FOXP1: variants seen among roughly 807,000 people sequenced by gnomAD.
FOXP1 encodes the protein forkhead box protein P1.
In FOXP1, 15 loss-of-function variants were observed where a neutral mutation model predicts 98.2. The ratio of observed to expected loss-of-function variants is 0.15; its 90% CI spans 0.10 to 0.24. The LOEUF (loss-of-function observed/expected upper bound fraction) is 0.24, where lower values mean the gene tolerates loss of function less well. Among genes scored for constraint, FOXP1 ranks in the 10% least tolerant of loss-of-function variants. The probability of loss-of-function intolerance (pLI) is 1.00; values close to 1 mark genes in which losing one functional copy is unlikely to be tolerated. For synonymous variants in FOXP1, 371 were observed against 314.5 expected (o/e 1.18, Z -1.90); for missense variants, 633 against 848.5 (o/e 0.75, Z 3.15).
intron 5 of FOXP1, among the ~76,000 whole-genome samples, chr3:71,258,361 A>C (rs1264877830): frequency 1.3e-5 from 2 of 152,328 alleles, no homozygotes; most frequent in East Asian, 1.9e-4. Flanking sequence ...TCCAACACTG[A>C]AGGAAGCAGT....
intron 2 of FOXP1, among the ~76,000 whole-genome samples, chr3:71,547,903 G>A (rs1297401221): frequency 6.6e-6 from 1 of 152,190 alleles, no homozygotes; most frequent in Non-Finnish European, 1.5e-5. Context: ...GGAAGAAAAG[G>A]TCTAAGGTTT....
intron 11 of FOXP1, among the ~76,000 whole-genome samples, chr3:71,030,565 G>A (rs1399561744): frequency 6.6e-6 from 1 of 152,216 alleles, no homozygotes; most frequent in Non-Finnish European, 1.5e-5. Context: ...AGGCTGTGGA[G>A]CTCACAGCTA....
intron 6 of FOXP1, among the ~76,000 whole-genome samples, chr3:71,182,044 A>AT (rs1227551221): frequency 8.6e-6 from 1 of 116,694 alleles, no homozygotes; most frequent in African/African-American, 3.6e-5. Context: ...CAAAAAAAAG[A>AT]AAAAAAAGAA....
intron 4 of FOXP1, among the ~76,000 whole-genome samples, chr3:71,308,822 G>A (rs1185752353): frequency 1.3e-5 from 2 of 148,646 alleles, no homozygotes; most frequent in Non-Finnish European, 3.0e-5. Context: ...AGGGGGGACA[G>A]CTCCAAAGCA....
At chr3:71,131,591 T>G (rs142589600) in intron 6 of FOXP1, among the ~76,000 whole-genome samples, 5 of 152,314 alleles carry the variant, frequency 3.3e-5, no homozygotes, top group African/African-American at 1.2e-4. Context: ...GATGTTTACA[T>G]AGGCCCCAAT....
At chr3:71,297,842 G>A (rs529155425) in intron 5 of FOXP1, among the ~76,000 whole-genome samples, 35 of 151,430 alleles carry the variant, frequency 2.3e-4, no homozygotes, top group African/African-American at 8.0e-4. Flanking sequence ...CCTGACCTCA[G>A]GTGATCCACT....
intron 6 of FOXP1, among the ~76,000 whole-genome samples, chr3:71,121,378 A>G (rs1238269125): frequency 6.8e-6 from 1 of 147,058 alleles, no homozygotes; most frequent in East Asian, 2.3e-4. Flanking sequence ...AGAAAAAAAA[A>G]AGGGGGGGGG....
intron 14 of FOXP1, among the ~76,000 whole-genome samples, chr3:70,984,325 G>A (rs1436720700): frequency 1.3e-5 from 2 of 152,180 alleles, no homozygotes; most frequent in South Asian, 2.1e-4. Context: ...TTAACCTAAG[G>A]AAAGGTTCAC....
At chr3:71,080,829 G>A (rs1030191007) in intron 7 of FOXP1, among the ~76,000 whole-genome samples, 1 of 152,132 alleles carries the variant, frequency 6.6e-6, no homozygotes, top group Non-Finnish European at 1.5e-5. Flanking sequence ...ATTTCCCTGG[G>A]TATCAAAGAA....
chr3:71,526,161 CAAACA>C (rs1420529162), intron 2 of FOXP1, among the ~76,000 whole-genome samples: 2 of 150,316 alleles, frequency 1.3e-5, no homozygotes, highest in African/African-American at 2.5e-5. Context: ...AACAAACAAA[CAAACA>C]AGAGTACCGG....
intron 5 of FOXP1, among the ~76,000 whole-genome samples, chr3:71,219,606 A>G (rs1273899871): frequency 6.6e-6 from 1 of 152,204 alleles, no homozygotes; most frequent in Non-Finnish European, 1.5e-5. Context: ...TTTTTCAAAA[A>G]CTTAGTATGA....
chr3:71,077,292 G>A (rs1414077662), intron 7 of FOXP1, among the ~76,000 whole-genome samples: 1 of 152,144 alleles, frequency 6.6e-6, no homozygotes, highest in Non-Finnish European at 1.5e-5. Context: ...GAACCCTGAG[G>A]TCTCTTTTTA....
intron 5 of FOXP1, among the ~76,000 whole-genome samples, chr3:71,286,901 C>A (rs2107466195): frequency 6.6e-6 from 1 of 152,292 alleles, no homozygotes; most frequent in Middle Eastern, 3.4e-3. Flanking sequence ...ATCACAACAT[C>A]TTTTATGAAA....
chr3:71,564,140 C>A (rs945990629), intron 2 of FOXP1, among the ~76,000 whole-genome samples: 4 of 152,190 alleles, frequency 2.6e-5, no homozygotes, highest in Non-Finnish European at 5.9e-5. Context: ...CAGACAAAAA[C>A]CAAAGCAAGT....
rs1553853270 is a variant in FOXP1, at chr3:71,348,553, G to GTGCGCGCGCGCGCGCA, written c.-73+10596_-73+10597insTGCGCGCGCGCGCGCA. Among the ~76,000 whole-genome samples, 24 of 130,732 alleles carry GTGCGCGCGCGCGCGCA rather than the reference G, an allele frequency of 1.8e-4. 1 individual carries two copies. Among genetic ancestry groups the GTGCGCGCGCGCGCGCA allele is most frequent in the African/African-American group, 7.2e-4 (23 of 32,056 alleles). The allele number at this position is 130,732 out of a possible 152,430, so 85.8% of individuals were successfully genotyped here. ...TGTGTGTGTGTGTGTGTGTGTGCGT[G>GTGCGCGCGCGCGCGCA]CGCGCGCGCACGCATATGCATGTGT... On this transcript the variant is annotated intron_variant, in intron 4 of 20. Coordinates refer to ENST00000649528, the MANE Select transcript of FOXP1 (RefSeq NM_001349338.3).
intron 4 of FOXP1, among the ~76,000 whole-genome samples, chr3:71,322,931 T>G (rs775330864): frequency 9.9e-5 from 15 of 151,524 alleles, no homozygotes; most frequent in Non-Finnish European, 2.1e-4. Context: ...TTGCCCCAAA[T>G]GCATTAAATC....
Position 71,050,046 on chromosome 3 carries a change from C to G in FOXP1, c.510+2491G>C, listed in dbSNP as rs1382263. Among the ~76,000 whole-genome samples the G allele has an allele frequency of 1.2e-3, 187 of 152,270 alleles. 2 individuals are homozygous for G. In the East Asian group the frequency reaches 0.035, roughly 29 times the overall value. The stretch of plus-strand genomic sequence containing the variant: ...CATGGACCACAGCAAACCTAGCGAC[C>G]TGGAGATGCAAGAATGTTCCTACAA... On this transcript the variant is annotated intron_variant, in intron 9 of 20. Coordinates refer to ENST00000649528, the MANE Select transcript of FOXP1 (RefSeq NM_001349338.3).
At chr3:70,961,603 A>C (rs2033534433) in intron 20 of FOXP1, among the ~76,000 whole-genome samples, 1 of 152,118 alleles carries the variant, frequency 6.6e-6, no homozygotes, top group Non-Finnish European at 1.5e-5. Context: ...CCCTCCCAGC[A>C]GTCTGTATTA....
intron 2 of FOXP1, among the ~76,000 whole-genome samples, chr3:71,578,336 A>C (rs1327196379): frequency 6.6e-6 from 1 of 152,222 alleles, no homozygotes; most frequent in Admixed American, 6.5e-5. Flanking sequence ...CATAAACAAA[A>C]TTTATACTAT....
Sources: gnomAD v4.1 joint callset for allele counts (sites outside exome capture counted in the v4.1 genomes callset) on GRCh38, gnomAD v4.1.1 for gene constraint, MANE v1.5 for transcripts, NCBI Gene and HGNC (gene_info 2026-07-23, HGNC 2026-07-21) for gene names.